The following ERBB4 variants were observed in gnomAD, a reference collection of about 807,000 sequenced individuals.
ERBB4 encodes receptor tyrosine-protein kinase erbB-4.
Under a neutral mutation model 158.0 loss-of-function variants are expected in ERBB4, and 42 were observed. The ratio of observed to expected loss-of-function variants is 0.27; its 90% CI spans 0.21 to 0.34. The LOEUF is 0.34. Ranked by LOEUF, ERBB4 falls within the 10% of genes least tolerant of loss-of-function variation. The pLI, the probability that ERBB4 is intolerant of heterozygous loss-of-function variation, is 1.00. For missense variants in ERBB4, 1,333 were observed against 1,624.1 expected, an observed-to-expected ratio of 0.82 and a Z score of 3.08; for synonymous variants, 583 against 558.7, an observed-to-expected ratio of 1.04 and a Z score of -0.61.
At chr2:211,628,937 T>C (rs2069978880) in intron 17 of ERBB4, among the ~76,000 whole-genome samples, 1 of 152,246 alleles carries the variant, frequency 6.6e-6, no homozygotes, top group Non-Finnish European at 1.5e-5. Context: ...TGAGCATTTT[T>C]TCATGTGTCT....
At chr2:211,749,654 T>C (rs376082248) in intron 5 of ERBB4, among the ~76,000 whole-genome samples, 4 of 152,166 alleles carry the variant, frequency 2.6e-5, no homozygotes, top group Non-Finnish European at 5.9e-5. Flanking sequence ...TCTTTGGTGG[T>C]TCACAATAAA....
Position 212,269,918 on chromosome 2 carries a change from G to T in ERBB4, c.83-145015C>A, listed in dbSNP as rs73066360. Among the ~76,000 whole-genome samples, 681 of 151,832 alleles carry T rather than the reference G, an allele frequency of 4.5e-3. 3 individuals carry two copies. Among genetic ancestry groups the T allele is most frequent in the African/African-American group, 0.016 (654 of 41,492 alleles). ...AAGTGCCTCTAAGTATCACGTCAAA[G>T]AAATTCAATATTTCTGCCTGCTTCC... On this transcript the variant is annotated intron_variant, in intron 1 of 27. Transcript: ENST00000342788.
At chr2:212,465,905 A>G (rs1053045591) in intron 1 of ERBB4, among the ~76,000 whole-genome samples, 2 of 152,218 alleles carry the variant, frequency 1.3e-5, no homozygotes, top group Non-Finnish European at 2.9e-5. Context: ...AAGTTCTTCT[A>G]TTTGAAATTC....
At chr2:211,570,804 G>A (rs957037491) in intron 19 of ERBB4, among the ~76,000 whole-genome samples, 4 of 151,904 alleles carry the variant, frequency 2.6e-5, no homozygotes, top group Non-Finnish European at 5.9e-5. Flanking sequence ...ATCCTCCTTT[G>A]TGCCTTTGAG....
rs985986556 is a variant in ERBB4, at chr2:212,409,047, A to G, written c.82+129402T>C. On this transcript the variant is annotated intron_variant, in intron 1 of 27. Coordinates refer to ENST00000342788, the MANE Select transcript of ERBB4 (RefSeq NM_005235.3). ...AAATCATTTCTTTACTAAATCATTT[A>G]TTCAAGAACACAGACAAATTCACAA... Among the ~76,000 whole-genome samples the G allele has an allele frequency of 5.3e-5, 8 of 152,186 alleles. 1 individual carries two copies. The highest frequency in any genetic ancestry group is 1.9e-4 in the African/African-American group (8 of 41,466).
At chr2:212,235,400 C>G (rs774353708) in intron 1 of ERBB4, among the ~76,000 whole-genome samples, 12 of 152,168 alleles carry the variant, frequency 7.9e-5, no homozygotes, top group Admixed American at 1.3e-4. Flanking sequence ...TGCTTGAAGT[C>G]AGGTAGCATG....
intron 1 of ERBB4, among the ~76,000 whole-genome samples, chr2:212,171,074 G>T (rs2081503621): frequency 6.6e-6 from 1 of 152,080 alleles, no homozygotes; most frequent in African/African-American, 2.4e-5. Flanking sequence ...GGGGGAATAT[G>T]ACCTGCAAAG....
chr2:211,672,153 A>T lies in ERBB4; in HGVS notation c.1716+1011T>A, dbSNP rs184715745. 2.8e-3 allele frequency among the ~76,000 whole-genome samples: 427 copies of T among 152,148 alleles called. 2 individuals are homozygous for T. Among genetic ancestry groups the T allele is most frequent in the African/African-American group, 8.4e-3 (349 of 41,526 alleles). On this transcript the variant is annotated intron_variant, in intron 14 of 27. Transcript: ENST00000342788. ...GTCTGGAGGGCTCAATGATATATATATTTTTTCTAAGCTAATTAAGTGCTG... is the reference window on the plus strand; with the variant it reads ...GTCTGGAGGGCTCAATGATATATATTTTTTTTCTAAGCTAATTAAGTGCTG...
At chr2:211,713,754 A>G (rs2073796122) in intron 7 of ERBB4, 106 bp from the exon 8 acceptor site, 1 of 712,004 alleles carries the variant, frequency 1.4e-6, no homozygotes, top group African/African-American at 1.8e-5. Context: ...CATCATTGAT[A>G]GTGTTTATGT....
chr2:211,532,713 A>C (rs1172924512), intron 20 of ERBB4, among the ~76,000 whole-genome samples: 2 of 151,912 alleles, frequency 1.3e-5, no homozygotes, highest in African/African-American at 2.4e-5. Flanking sequence ...AATAATGAGA[A>C]GAGAAAAGAT....
At chr2:211,389,738 A>T (rs980786816) in intron 25 of ERBB4, among the ~76,000 whole-genome samples, 3 of 152,202 alleles carry the variant, frequency 2.0e-5, no homozygotes, top group Non-Finnish European at 4.4e-5. Flanking sequence ...TTGGTGAATC[A>T]TGAAACCTCT....
In ERBB4 at chr2:211,533,367, T is replaced by C. The variant is rs192896515; in HGVS notation, c.2487+28536A>G. On this transcript the variant is annotated intron_variant, in intron 20 of 27. Coordinates refer to ENST00000342788, the MANE Select transcript of ERBB4 (RefSeq NM_005235.3). ...AGTTGTCACTTTCAAATACCTATTT[T>C]TCATAGACAGTTCACTTTATCATTA... is the stretch of plus-strand genomic sequence containing the variant. Among the ~76,000 whole-genome samples, 14 of 152,196 alleles carry C rather than the reference T, an allele frequency of 9.2e-5. 1 individual carries two copies. Among genetic ancestry groups the C allele is most frequent in the Admixed American group, 9.2e-4 (14 of 15,286 alleles).
intron 2 of ERBB4, among the ~76,000 whole-genome samples, chr2:212,066,464 T>A (rs968766949): frequency 1.3e-5 from 2 of 152,056 alleles, no homozygotes; most frequent in Non-Finnish European, 2.9e-5. Flanking sequence ...TCCGATATGA[T>A]GAATTCTAAA....
chr2:211,762,867 G>A (rs1559496286), intron 4 of ERBB4, among the ~76,000 whole-genome samples: 2 of 152,084 alleles, frequency 1.3e-5, no homozygotes, highest in Non-Finnish European at 1.5e-5. Context: ...CCTGCTGTCC[G>A]TCATCACAAA....
intron 1 of ERBB4, among the ~76,000 whole-genome samples, chr2:212,250,061 C>A (rs2084474630): frequency 6.6e-6 from 1 of 152,024 alleles, no homozygotes; most frequent in African/African-American, 2.4e-5. Context: ...AATCTAACTT[C>A]TGTTCATACA....
rs564716991 is a variant in ERBB4, at chr2:211,697,172, CA to C, written c.1489+4794del. On this transcript the variant is annotated intron_variant, in intron 12 of 27. Transcript: ENST00000342788. The stretch of plus-strand genomic sequence containing the variant: ...GGGTGGTTGTAATAACTAAATTAAA[CA>C]ATATAGCTAGGTTGAGAGATAGAGT... 7.8e-4 allele frequency among the ~76,000 whole-genome samples: 118 copies of C among 152,146 alleles called. No individual in the cohort carries two copies. In the Middle Eastern group the frequency reaches 0.01, roughly 13 times the overall value.
intron 1 of ERBB4, among the ~76,000 whole-genome samples, chr2:212,520,433 AC>A (rs1692091501): frequency 3.9e-5 from 6 of 151,900 alleles, no homozygotes; most frequent in Admixed American, 3.3e-4. Context: ...TAATTCAACT[AC>A]TACATTAAAA....
intron 5 of ERBB4, among the ~76,000 whole-genome samples, chr2:211,743,212 A>G (rs2074851904): frequency 6.6e-6 from 1 of 152,194 alleles, no homozygotes; most frequent in Non-Finnish European, 1.5e-5. Context: ...GCAACTTAGA[A>G]AACTAAAGAG....
Position 212,055,383 on chromosome 2 carries a change from C to G in ERBB4, c.234+69369G>C, listed in dbSNP as rs1260575402. Among the ~76,000 whole-genome samples the G allele has an allele frequency of 2.0e-5, 3 of 151,568 alleles. No homozygotes were observed. In the East Asian group the frequency reaches 5.8e-4, roughly 29 times the overall value. ...TCCACCTCTGGGGGCAGGGCATAGC[C>G]AAAAGGCAGACTTAAATGTCCCTGT... is the stretch of plus-strand genomic sequence containing the variant. On this transcript the variant is annotated intron_variant, in intron 2 of 27. Transcript: ENST00000342788.
Sources: gnomAD v4.1 joint callset for allele counts (sites outside exome capture counted in the v4.1 genomes callset) on GRCh38, gnomAD v4.1.1 for gene constraint, MANE v1.5 for transcripts, NCBI Gene and HGNC (gene_info 2026-07-23, HGNC 2026-07-21) for gene names.